Variants in PTPA observed in about 807,000 individuals in gnomAD.
PTPA encodes serine/threonine-protein phosphatase 2A activator.
Under a neutral mutation model 43.6 loss-of-function variants are expected in PTPA, and 13 were observed. That is an observed-to-expected ratio of 0.30 (90% CI 0.19 to 0.47). The LOEUF is 0.47. Ranked by LOEUF, PTPA falls within the 20% of genes least tolerant of loss-of-function variation. The pLI is 0.99. For missense variants in PTPA, 329 were observed against 411.9 expected (o/e 0.80, Z 1.74); for synonymous variants, 172 against 158.2 (o/e 1.09, Z -0.66).
intron 8 of PTPA, among the ~76,000 whole-genome samples, chr9:129,138,577 G>A (rs1168388708): frequency 6.6e-6 from 1 of 152,202 alleles, no homozygotes; most frequent in Non-Finnish European, 1.5e-5. Context: ...GAGGGTTTGA[G>A]AGTTCTATCC....
intron 1 of PTPA, among the ~76,000 whole-genome samples, chr9:129,118,351 C>G (rs6478864): frequency 0.6 from 90,209 of 151,580 alleles, 28,724 homozygotes; most frequent in Non-Finnish European, 0.7. Context: ...CACGCCCAGC[C>G]TATTTGGGTT....
At chr9:129,123,600 G>A (rs1417944545) in intron 3 of PTPA, among the ~76,000 whole-genome samples, 2 of 152,096 alleles carry the variant, frequency 1.3e-5, no homozygotes, top group East Asian at 3.9e-4. Context: ...TTTGAAATCT[G>A]TGAATAGATG....
chr9:129,143,646 T>G, intron 9 of PTPA: 1 of 541,260 alleles, frequency 1.8e-6, no homozygotes, highest in Non-Finnish European at 3.3e-6. Flanking sequence ...GGGCCCTCAC[T>G]CCCTTCCGCC....
intron 9 of PTPA, among the ~76,000 whole-genome samples, chr9:129,145,926 C>T (rs1461535120): frequency 6.6e-6 from 1 of 152,154 alleles, no homozygotes; most frequent in East Asian, 1.9e-4. Context: ...GAGGCTCCTC[C>T]TGCCCTGGAG....
At position 129,130,132 on chromosome 9, in the gene PTPA, T is replaced by G. The variant is rs559446973; in HGVS notation, c.342+1022T>G. The stretch of plus-strand genomic sequence containing the variant: ...TTTTGAATCTTACGAAGGTGTTACC[T>G]ATTCAAAGCAAACAAAAATAAAAAT... On this transcript the variant is annotated intron_variant, in intron 4 of 9. Coordinates refer to ENST00000393370, the MANE Select transcript of PTPA (RefSeq NM_178000.3). 2.0e-5 allele frequency among the ~76,000 whole-genome samples: 3 copies of G among 152,320 alleles called. No individual in the cohort carries two copies. In the East Asian group the frequency reaches 5.8e-4, roughly 29 times the overall value.
At chr9:129,143,781 G>A (rs557877819) in intron 9 of PTPA, 36 of 222,440 alleles carry the variant, frequency 1.6e-4, no homozygotes, top group African/African-American at 7.6e-4. Context: ...CCTTCCGGCT[G>A]CAGCTGGCCA....
chr9:129,137,505 C>T, intron 7 of PTPA, 87 bp from the exon 8 acceptor site: 1 of 1,050,040 alleles, frequency 9.5e-7, no homozygotes. Flanking sequence ...AGGACTGAGG[C>T]CCCTGGGGGG....
chr9:129,137,620 T>C lies in PTPA; in HGVS notation c.714T>C (p.Phe238=), dbSNP rs548664652. 3 of 1,612,892 alleles carry C rather than the reference T, an allele frequency of 1.9e-6. No homozygotes were observed. Among genetic ancestry groups the C allele is most frequent in the South Asian group, 2.2e-5 (2 of 90,668 alleles). ...IDHPYLEPRH[F]VDEKAVNENH... ...ACCCATACCTGGAGCCCAGACACTT[T>C]GTGGATGAGAAGGCCGTGAATGAGA... is the stretch of plus-strand genomic sequence containing the variant. The change falls in exon 8 of 10, where the codon TTT becomes TTC. Residue 238 remains phenylalanine, a synonymous_variant. Coordinates refer to ENST00000393370, the MANE Select transcript of PTPA (RefSeq NM_178000.3).
At chr9:129,146,626 G>T (rs1371477906) in intron 9 of PTPA, among the ~76,000 whole-genome samples, 1 of 152,232 alleles carries the variant, frequency 6.6e-6, no homozygotes, top group African/African-American at 2.4e-5. Context: ...GCTCCTGTGA[G>T]AGCTAGTGTC....
intron 5 of PTPA, 83 bp from the exon 6 acceptor site, chr9:129,134,712 C>G (rs1850236809): frequency 2.6e-6 from 3 of 1,132,436 alleles, no homozygotes; most frequent in Non-Finnish European, 3.9e-6. Flanking sequence ...GGGCACTTAT[C>G]AATGATTCGG....
intron 5 of PTPA, among the ~76,000 whole-genome samples, chr9:129,133,622 C>G (rs1005541317): frequency 6.6e-6 from 1 of 152,234 alleles, no homozygotes; most frequent in African/African-American, 2.4e-5. Flanking sequence ...GCAGACCATT[C>G]CTGTTTGATA....
intron 3 of PTPA, among the ~76,000 whole-genome samples, chr9:129,128,525 A>G (rs972040044): frequency 7.0e-6 from 1 of 143,110 alleles, no homozygotes; most frequent in Non-Finnish European, 1.5e-5. Flanking sequence ...AACAAGAGCG[A>G]AACTCTGTCT....
chr9:129,142,331 T>G, intron 8 of PTPA, 114 bp from the exon 9 acceptor site: 1 of 895,624 alleles, frequency 1.1e-6, no homozygotes, highest in Non-Finnish European at 1.7e-6. Context: ...ATTGTGTGCG[T>G]GTGCGTTTGT....
At chr9:129,135,354 C>T (rs1377779913) in intron 6 of PTPA, among the ~76,000 whole-genome samples, 1 of 151,958 alleles carries the variant, frequency 6.6e-6, no homozygotes, top group African/African-American at 2.4e-5. Flanking sequence ...GATCGTGCCA[C>T]TGTACTCCAG....
intron 3 of PTPA, among the ~76,000 whole-genome samples, chr9:129,123,883 A>G (rs1423695276): frequency 2.0e-5 from 3 of 152,122 alleles, no homozygotes; most frequent in East Asian, 3.9e-4. Context: ...GGGTTTCTCC[A>G]TGTTGGTCAG....
chr9:129,117,040 C>A (rs1848923289), intron 1 of PTPA, among the ~76,000 whole-genome samples: 1 of 151,962 alleles, frequency 6.6e-6, no homozygotes, highest in Admixed American at 6.6e-5. Flanking sequence ...ATCATCTTAT[C>A]AACTGATATT....
At chr9:129,121,237 G>A (rs1044344608) in intron 2 of PTPA, among the ~76,000 whole-genome samples, 2 of 152,132 alleles carry the variant, frequency 1.3e-5, no homozygotes, top group African/African-American at 2.4e-5. Context: ...TCCTGCTCCC[G>A]GCCTGGTGAG....
At chr9:129,123,543 G>A (rs188475075) in intron 3 of PTPA, among the ~76,000 whole-genome samples, 5 of 151,790 alleles carry the variant, frequency 3.3e-5, no homozygotes, top group Non-Finnish European at 7.4e-5. Flanking sequence ...AAATAAGATC[G>A]CCCAAATACA....
At chr9:129,116,840 A>C (rs1848912294) in intron 1 of PTPA, among the ~76,000 whole-genome samples, 1 of 150,072 alleles carries the variant, frequency 6.7e-6, no homozygotes, top group African/African-American at 2.5e-5. Flanking sequence ...TAATTTTTAA[A>C]TTGTTTGTAG....
Sources: allele counts gnomAD v4.1 joint callset (sites outside exome capture counted in the v4.1 genomes callset), GRCh38; gene constraint gnomAD v4.1.1; transcripts MANE v1.5; gene names NCBI Gene and HGNC (gene_info 2026-07-23, HGNC 2026-07-21).